The following ADD3 variants were observed in gnomAD, a reference collection of about 807,000 sequenced individuals.
ADD3 encodes gamma-adducin.
In ADD3, 25 loss-of-function variants were observed where a neutral mutation model predicts 80.2. That is an observed-to-expected ratio of 0.31 (90% CI 0.23 to 0.44). ADD3 has a LOEUF of 0.44. ADD3 is among the 20% of genes least tolerant of loss of function. The pLI, the probability that ADD3 is intolerant of heterozygous loss-of-function variation, is 1.00. For synonymous variants in ADD3, 284 were observed against 289.6 expected, an observed-to-expected ratio of 0.98 and a Z score of 0.20; for missense variants, 829 against 847.5, an observed-to-expected ratio of 0.98 and a Z score of 0.27.
rs142025028 is a variant in ADD3, at chr10:110,057,494, A to G, written c.-29-43131A>G. 1.4e-4 allele frequency among the ~76,000 whole-genome samples: 21 copies of G among 152,312 alleles called. No individual in the cohort carries two copies. In the East Asian group the frequency reaches 2.5e-3, roughly 18 times the overall value. ...TAATGCTTTAGATCTACTGGTACTCAAACATTATTGTTCTTTGGAGTCACT... is the reference window on the plus strand; with the variant it reads ...TAATGCTTTAGATCTACTGGTACTCGAACATTATTGTTCTTTGGAGTCACT... On this transcript the variant is annotated intron_variant, in intron 1 of 14. Coordinates refer to ENST00000356080, the MANE Select transcript of ADD3 (RefSeq NM_016824.5).
chr10:110,066,617 C>T (rs901915547), intron 1 of ADD3, among the ~76,000 whole-genome samples: 1 of 151,936 alleles, frequency 6.6e-6, no homozygotes, highest in Admixed American at 6.6e-5. Flanking sequence ...AAGAATGAAC[C>T]CTTCAACATT....
chr10:110,014,871 G>C (rs940159349), intron 1 of ADD3, among the ~76,000 whole-genome samples: 2 of 151,652 alleles, frequency 1.3e-5, no homozygotes, highest in Non-Finnish European at 2.9e-5. Context: ...ACTTTCCTAA[G>C]GGAAGGTAGA....
Position 110,122,189 on chromosome 10 carries a change from C to G in ADD3, c.1040C>G (p.Thr347Ser). The stretch of plus-strand genomic sequence containing the variant: ...CAGAAGTATAAAGCTTTCACTTACA[C>G]TGTAGCAGCGTCTGGTGGAGGAGGT... ...DFQKYKAFTY[T>S]VAASGGGGVN... is the part of the protein sequence containing the mutation. The change falls in exon 9 of 15, where the codon ACT (threonine) becomes AGT (serine). Residue 347 changes from threonine to serine, a missense_variant. Coordinates refer to ENST00000356080, the MANE Select transcript of ADD3 (RefSeq NM_016824.5). The G allele has an allele frequency of 1.2e-6, 2 of 1,614,174 alleles. No homozygotes were observed. The highest frequency in any genetic ancestry group is 1.7e-6 in the Non-Finnish European group (2 of 1,180,018).
rs573189070 is a variant in ADD3, at chr10:110,126,935, G to A, written c.1608+432G>A. 1.3e-3 allele frequency among the ~76,000 whole-genome samples: 203 copies of A among 152,252 alleles called. 1 individual carries two copies. The highest frequency in any genetic ancestry group is 6.0e-3 in the South Asian group (29 of 4,824). ...ATTTTTCATCAAATCTGTGTTATCCGTTATAAGAAGTACCATTGTTTTATA... is the reference window on the plus strand; with the variant it reads ...ATTTTTCATCAAATCTGTGTTATCCATTATAAGAAGTACCATTGTTTTATA... On this transcript the variant is annotated intron_variant, in intron 12 of 14. Transcript: ENST00000356080.
chr10:110,060,062 A>G (rs865861093), intron 1 of ADD3, among the ~76,000 whole-genome samples: 12 of 152,174 alleles, frequency 7.9e-5, no homozygotes, highest in Admixed American at 2.0e-4. Flanking sequence ...TGAAGGGAAT[A>G]GAGTTGAGGC....
intron 7 of ADD3, 37 bp from the exon 8 acceptor site, chr10:110,119,429 G>T: frequency 6.2e-7 from 1 of 1,613,508 alleles, no homozygotes; most frequent in Non-Finnish European, 8.5e-7. Context: ...AGCTATGCCA[G>T]TTATTTCAAG....
chr10:110,127,308 C>T (rs1438242146), intron 12 of ADD3, among the ~76,000 whole-genome samples: 1 of 152,072 alleles, frequency 6.6e-6, no homozygotes, highest in Non-Finnish European at 1.5e-5. Context: ...TAGTTCTTCC[C>T]GAACTTTTTA....
intron 1 of ADD3, among the ~76,000 whole-genome samples, chr10:110,095,610 T>G (rs1397294415): frequency 6.6e-6 from 1 of 152,230 alleles, no homozygotes; most frequent in Non-Finnish European, 1.5e-5. Flanking sequence ...TACTATACTT[T>G]GTGTTTGTCA....
At position 110,112,867 on chromosome 10, in the gene ADD3, G is replaced by T. The variant is rs1191227575; in HGVS notation, c.286G>T (p.Asp96Tyr). ...ATTACTAGCATTACAGCAGATTGCA[G>T]ATTACATCATGGCCAATTCTTTCTC... ...TGLLALQQIA[D>Y]YIMANSFSGF... is the part of the protein sequence containing the mutation. The change falls in exon 3 of 15, where the codon GAT becomes TAT. Residue 96 changes from aspartate (D) to tyrosine (Y), a missense_variant. Asp to Tyr is a radical substitution (Grantham distance 160, BLOSUM62 -3). Transcript: ENST00000356080. 1 of 1,613,970 alleles carries T rather than the reference G, an allele frequency of 6.2e-7. No individual in the cohort carries two copies. The highest frequency in any genetic ancestry group is 8.5e-7 in the Non-Finnish European group (1 of 1,180,002).
chr10:110,039,622 A>G (rs1245649050), intron 1 of ADD3, among the ~76,000 whole-genome samples: 1 of 152,252 alleles, frequency 6.6e-6, no homozygotes, highest in Non-Finnish European at 1.5e-5. Flanking sequence ...TTGCTACATA[A>G]CAAATTACCC....
intron 1 of ADD3, among the ~76,000 whole-genome samples, chr10:110,035,798 C>T (rs929747051): frequency 2.8e-5 from 4 of 141,780 alleles, no homozygotes; most frequent in African/African-American, 6.3e-5. Flanking sequence ...TTTTTTTAGG[C>T]TAAGAATTGT....
intron 1 of ADD3, among the ~76,000 whole-genome samples, chr10:110,041,697 A>G (rs569524328): frequency 4.6e-5 from 7 of 152,300 alleles, no homozygotes; most frequent in African/African-American, 9.6e-5. Flanking sequence ...CTAAGCTGTT[A>G]TAACAGTAAC....
intron 1 of ADD3, among the ~76,000 whole-genome samples, chr10:110,059,956 G>T (rs1238839622): frequency 6.6e-6 from 1 of 152,170 alleles, no homozygotes; most frequent in Non-Finnish European, 1.5e-5. Context: ...CAAAGTACTT[G>T]TCATCCATAG....
Position 110,103,840 on chromosome 10 carries a change from A to G in ADD3, c.195+2992A>G, listed in dbSNP as rs552849807. On this transcript the variant is annotated intron_variant, in intron 2 of 14. Coordinates refer to ENST00000356080, the MANE Select transcript of ADD3 (RefSeq NM_016824.5). The stretch of plus-strand genomic sequence containing the variant: ...CTCAGCCTCTTGAGTACCTGGGACT[A>G]CAGGTATGTGCCACCATGCCTGGCA... 1.2e-3 allele frequency among the ~76,000 whole-genome samples: 183 copies of G among 152,288 alleles called. 2 individuals are homozygous for G. The South Asian group carries it at 0.018, about 15-fold the overall frequency.
intron 12 of ADD3, among the ~76,000 whole-genome samples, chr10:110,128,478 C>T (rs1198298679): frequency 3.3e-5 from 5 of 151,928 alleles, no homozygotes; most frequent in Non-Finnish European, 5.9e-5. Flanking sequence ...TGCAGTGGCG[C>T]GATCTTGGCT....
intron 1 of ADD3, among the ~76,000 whole-genome samples, chr10:110,097,428 T>C (rs1022550651): frequency 6.6e-6 from 1 of 151,092 alleles, no homozygotes; most frequent in Non-Finnish European, 1.5e-5. Context: ...TTAATGTTTA[T>C]GTATATATTT....
chr10:110,098,466 C>T (rs1342814976), intron 1 of ADD3, among the ~76,000 whole-genome samples: 1 of 152,164 alleles, frequency 6.6e-6, no homozygotes, highest in Non-Finnish European at 1.5e-5. Context: ...TTTTATCTTT[C>T]TGCAGTGCTG....
intron 1 of ADD3, chr10:110,079,304 T>C (rs1478642304): frequency 6.6e-6 from 1 of 152,024 alleles, no homozygotes; most frequent in African/African-American, 2.4e-5. Context: ...AAAGGTAATT[T>C]TACTAAAAAA....
chr10:110,073,144 T>C lies in ADD3; in HGVS notation c.-29-27481T>C, dbSNP rs910728930. Among the ~76,000 whole-genome samples, 7 of 138,512 alleles carry C rather than the reference T, an allele frequency of 5.1e-5. No homozygotes were observed. In the South Asian group the frequency reaches 1.1e-3, roughly 23 times the overall value. The allele number at this position is 138,512 out of a possible 152,430, so 90.9% of individuals were successfully genotyped here. A position where few individuals can be genotyped will look rare whatever the true frequency, so the allele number is the denominator to read the frequency against. On this transcript the variant is annotated intron_variant, in intron 1 of 14. Coordinates refer to ENST00000356080, the MANE Select transcript of ADD3 (RefSeq NM_016824.5). ...CTCTTTGAGTTTTAGTTTTCTTTTT[T>C]TTTTTTTTTTTTTTTCGAGACTGGG...
Sources: allele counts gnomAD v4.1 joint callset (sites outside exome capture counted in the v4.1 genomes callset), GRCh38; gene constraint gnomAD v4.1.1; transcripts MANE v1.5; gene names NCBI Gene and HGNC (gene_info 2026-07-23, HGNC 2026-07-21).